SBF2: variants seen among roughly 807,000 people sequenced by gnomAD.
SBF2 encodes myotubularin-related protein 13.
In SBF2, 112 loss-of-function variants were observed where a neutral mutation model predicts 225.2. The observed-to-expected ratio is 0.50, with a 90% CI of 0.43 to 0.58. The LOEUF is 0.58. Among genes scored for constraint, SBF2 ranks in the 20% least tolerant of loss-of-function variants. SBF2 has a pLI of 0.00. For missense variants in SBF2, 1,996 were observed against 2,206.2 expected (o/e 0.90, Z 1.91); for synonymous variants, 763 against 773.3 (o/e 0.99, Z 0.22).
At chr11:9,945,334 G>A (rs1407311969) in intron 16 of SBF2, among the ~76,000 whole-genome samples, 1 of 152,086 alleles carries the variant, frequency 6.6e-6, no homozygotes, top group African/African-American at 2.4e-5. Context: ...TCAAGAGTAA[G>A]AAGCAATGAA....
chr11:9,830,778 A>G (rs1416480600), intron 27 of SBF2, among the ~76,000 whole-genome samples: 2 of 150,824 alleles, frequency 1.3e-5, no homozygotes, highest in South Asian at 2.1e-4. Flanking sequence ...AACAAAACAA[A>G]AAACAAAAAA....
At position 9,833,007 on chromosome 11, in the gene SBF2, A is replaced by G. The variant is rs142261637; in HGVS notation, c.3456-587T>C. Among the ~76,000 whole-genome samples, 317 of 152,368 alleles carry G rather than the reference A, an allele frequency of 2.1e-3. 1 individual carries two copies. Among genetic ancestry groups the G allele is most frequent in the African/African-American group, 7.1e-3 (296 of 41,586 alleles). ...AACTTGAAATAAAGATCGTAAGATT[A>G]CCAGATTAATGTCAACTTTATGAGA... On this transcript the variant is annotated intron_variant, in intron 26 of 39. Transcript: ENST00000256190.
chr11:10,193,834 T>C, intron 2 of SBF2, 68 bp downstream of exon 2: 6 of 1,032,320 alleles, frequency 5.8e-6, no homozygotes, highest in East Asian at 2.4e-5. Flanking sequence ...GTAACATAAA[T>C]GTAAAAATCA....
intron 2 of SBF2, among the ~76,000 whole-genome samples, chr11:10,068,097 C>G (rs1334380512): frequency 6.6e-6 from 1 of 152,212 alleles, no homozygotes. Flanking sequence ...CTGCTGCAGG[C>G]AGCAGAAATT....
chr11:9,901,907 A>C (rs1861750898), intron 16 of SBF2, among the ~76,000 whole-genome samples: 1 of 152,210 alleles, frequency 6.6e-6, no homozygotes, highest in African/African-American at 2.4e-5. Flanking sequence ...TGGCCTCCCA[A>C]AGTGCTGGGA....
At chr11:9,851,176 A>G (rs1590222021) in intron 21 of SBF2, among the ~76,000 whole-genome samples, 1 of 151,762 alleles carries the variant, frequency 6.6e-6, no homozygotes, top group Non-Finnish European at 1.5e-5. Flanking sequence ...CCCAGAATAC[A>G]TAGATTAGTT....
intron 2 of SBF2, among the ~76,000 whole-genome samples, chr11:10,153,822 T>C (rs1339790523): frequency 1.3e-5 from 2 of 152,122 alleles, no homozygotes; most frequent in African/African-American, 2.4e-5. Context: ...TTTAGGTCTA[T>C]GATTTATTTG....
chr11:10,207,463 T>G (rs1287981676), intron 1 of SBF2, among the ~76,000 whole-genome samples: 1 of 152,112 alleles, frequency 6.6e-6, no homozygotes, highest in African/African-American at 2.4e-5. Context: ...CAATAGCTGG[T>G]GTTCTGATAT....
chr11:10,169,999 A>C (rs1011265081), intron 2 of SBF2, among the ~76,000 whole-genome samples: 2 of 152,126 alleles, frequency 1.3e-5, no homozygotes, highest in African/African-American at 4.8e-5. Context: ...ATGTCTATTC[A>C]GATCTTTTGC....
upstream of SBF2, among the ~76,000 whole-genome samples, chr11:10,295,689 T>TA (rs1964496004): frequency 6.6e-6 from 1 of 152,186 alleles, no homozygotes; most frequent in Non-Finnish European, 1.5e-5. Context: ...AAAGTAATCT[T>TA]ACTTCCTTGG....
intron 2 of SBF2, among the ~76,000 whole-genome samples, chr11:10,046,075 T>C (rs1949848714): frequency 6.6e-6 from 1 of 152,204 alleles, no homozygotes; most frequent in Admixed American, 6.5e-5. Flanking sequence ...AATCTAGAGA[T>C]GATTTACAAT....
chr11:9,795,259 G>T (rs1424527687), intron 33 of SBF2, among the ~76,000 whole-genome samples: 1 of 152,148 alleles, frequency 6.6e-6, no homozygotes, highest in Non-Finnish European at 1.5e-5. Flanking sequence ...CTTACTATGC[G>T]CTAGTGATTG....
chr11:9,820,491 T>C (rs992176292), intron 28 of SBF2, among the ~76,000 whole-genome samples: 5 of 152,348 alleles, frequency 3.3e-5, no homozygotes, highest in African/African-American at 9.6e-5. Context: ...AACTTTCCTA[T>C]TGAATATGGG....
At chr11:10,043,113 T>A in intron 2 of SBF2, 132 bp from the exon 3 acceptor site, 1 of 869,220 alleles carries the variant, frequency 1.2e-6, no homozygotes, top group Admixed American at 2.6e-5. Context: ...AAGCCAACAT[T>A]TAAAAAAAAG....
At chr11:10,114,175 A>C (rs1342349789) in intron 2 of SBF2, among the ~76,000 whole-genome samples, 1 of 152,188 alleles carries the variant, frequency 6.6e-6, no homozygotes, top group Non-Finnish European at 1.5e-5. Flanking sequence ...GAAGGAATTA[A>C]ATTAGATAAT....
chr11:9,990,233 G>T (rs927640349), intron 12 of SBF2, among the ~76,000 whole-genome samples: 1 of 152,162 alleles, frequency 6.6e-6, no homozygotes, highest in African/African-American at 2.4e-5. Flanking sequence ...TACAATACAG[G>T]ATTCTTCTAG....
At chr11:9,825,534 A>C (rs182810010) in intron 28 of SBF2, among the ~76,000 whole-genome samples, 1 of 152,318 alleles carries the variant, frequency 6.6e-6, no homozygotes, top group East Asian at 1.9e-4. Flanking sequence ...GGAGGTTGAA[A>C]GCTCTTAGGA....
At chr11:9,854,879 C>T (rs1000188490) in intron 19 of SBF2, among the ~76,000 whole-genome samples, 2 of 152,116 alleles carry the variant, frequency 1.3e-5, no homozygotes, top group Non-Finnish European at 2.9e-5. Flanking sequence ...GGTAGTCAGC[C>T]CCATGCCTGG....
chr11:9,892,994 G>T (rs917710755), intron 17 of SBF2, among the ~76,000 whole-genome samples: 1 of 152,144 alleles, frequency 6.6e-6, no homozygotes, highest in Non-Finnish European at 1.5e-5. Context: ...TATTAATGTT[G>T]CTGCCCAGAT....
Sources: allele counts gnomAD v4.1 joint callset (sites outside exome capture counted in the v4.1 genomes callset), GRCh38; gene constraint gnomAD v4.1.1; transcripts MANE v1.5; gene names NCBI Gene and HGNC (gene_info 2026-07-23, HGNC 2026-07-21).